Variants in DPY19L2 observed in about 807,000 individuals in gnomAD.
DPY19L2 encodes probable C-mannosyltransferase DPY19L2.
A neutral mutation model predicts 97.9 loss-of-function variants in DPY19L2; 34 were observed. The observed-to-expected ratio is 0.35, with a 90% CI of 0.26 to 0.46. DPY19L2 has a LOEUF of 0.46. Among genes scored for constraint, DPY19L2 ranks in the 20% least tolerant of loss-of-function variants. The pLI, the probability that DPY19L2 is intolerant of heterozygous loss-of-function variation, is 1.00. For missense variants in DPY19L2, 623 were observed against 911.4 expected (o/e 0.68, Z 4.07); for synonymous variants, 230 against 307.9 (o/e 0.75, Z 2.65).
intron 4 of DPY19L2, among the ~76,000 whole-genome samples, chr12:63,652,296 A>G (rs541066207): frequency 2.0e-5 from 3 of 152,254 alleles, no homozygotes; most frequent in Admixed American, 6.5e-5. Context: ...GGTTGTGGAG[A>G]AAAGGGGATG....
At chr12:63,564,934 T>C (rs1877359909) in intron 21 of DPY19L2, among the ~76,000 whole-genome samples, 1 of 152,196 alleles carries the variant, frequency 6.6e-6, no homozygotes, top group Non-Finnish European at 1.5e-5. Flanking sequence ...TCAGGGTTGC[T>C]ACATCCTCTT....
chr12:63,583,178 A>G (rs1032114092), intron 17 of DPY19L2, among the ~76,000 whole-genome samples: 3 of 152,158 alleles, frequency 2.0e-5, no homozygotes, highest in Non-Finnish European at 2.9e-5. Context: ...GATAAGGGAT[A>G]CTCAACATGT....
At chr12:63,616,782 C>T (rs2137750173) in intron 11 of DPY19L2, among the ~76,000 whole-genome samples, 1 of 152,226 alleles carries the variant, frequency 6.6e-6, no homozygotes, top group Middle Eastern at 3.4e-3. Context: ...GCAAAATAAT[C>T]GGTCTTATGA....
At chr12:63,600,089 G>T (rs1884883818) in intron 13 of DPY19L2, among the ~76,000 whole-genome samples, 1 of 151,856 alleles carries the variant, frequency 6.6e-6, no homozygotes, top group African/African-American at 2.4e-5. Flanking sequence ...TTACTAAAAG[G>T]GCAAGTCAGC....
At chr12:63,619,338 G>A (rs745497943) in intron 9 of DPY19L2, among the ~76,000 whole-genome samples, 9 of 151,946 alleles carry the variant, frequency 5.9e-5, no homozygotes, top group South Asian at 2.1e-4. Context: ...CTTAATCTAC[G>A]AAAAACACAA....
intron 19 of DPY19L2, among the ~76,000 whole-genome samples, chr12:63,575,662 G>A (rs1187182506): frequency 6.6e-6 from 1 of 151,860 alleles, no homozygotes; most frequent in African/African-American, 2.4e-5. Flanking sequence ...AGACTACCAT[G>A]AGCAACTGTA....
intron 16 of DPY19L2, among the ~76,000 whole-genome samples, chr12:63,592,145 A>G (rs1348138545): frequency 6.7e-6 from 1 of 148,942 alleles, no homozygotes; most frequent in Non-Finnish European, 1.5e-5. Flanking sequence ...ACAGAGAGAG[A>G]GAGAGAAGGA....
In DPY19L2 at chr12:63,572,733, AAG is replaced by A. The variant is rs199874224; in HGVS notation, c.1901-1878_1901-1877del. Among the ~76,000 whole-genome samples the A allele has an allele frequency of 3.5e-3, 536 of 151,588 alleles. 18 individuals are homozygous for A. In the East Asian group the frequency reaches 0.078, roughly 22 times the overall value. ...AGCTCCAGGCAGCTTAGCACAGAGA[AAG>A]AGAGAGAGAGAGACTCCATATGGGA... is the stretch of plus-strand genomic sequence containing the variant. On this transcript the variant is annotated intron_variant, in intron 19 of 21. Transcript: ENST00000324472.
chr12:63,623,913 A>C, intron 8 of DPY19L2, 127 bp downstream of exon 8: 1 of 631,880 alleles, frequency 1.6e-6, no homozygotes, highest in Non-Finnish European at 2.9e-6. Context: ...CATGTTGGCC[A>C]GGCTGGTCTC....
At chr12:63,660,254 A>T (rs1427512238) in intron 4 of DPY19L2, among the ~76,000 whole-genome samples, 1 of 152,102 alleles carries the variant, frequency 6.6e-6, no homozygotes, top group East Asian at 1.9e-4. Context: ...ATTGCTTGTA[A>T]TCAAAAAATT....
At chr12:63,622,818 T>C (rs892236506) in intron 8 of DPY19L2, among the ~76,000 whole-genome samples, 1 of 151,886 alleles carries the variant, frequency 6.6e-6, no homozygotes, top group Non-Finnish European at 1.5e-5. Flanking sequence ...CCCAGCTACT[T>C]GGGAGGCTGA....
chr12:63,613,870 G>GTTCTCA (rs1887413650), intron 11 of DPY19L2, among the ~76,000 whole-genome samples: 1 of 152,014 alleles, frequency 6.6e-6, no homozygotes, highest in Non-Finnish European at 1.5e-5. Flanking sequence ...CTTTTGGACA[G>GTTCTCA]AAGTAAAACA....
At chr12:63,587,908 G>T in intron 16 of DPY19L2, among the ~76,000 whole-genome samples, 1 of 152,106 alleles carries the variant, frequency 6.6e-6, no homozygotes, top group Non-Finnish European at 1.5e-5. Context: ...TCTTCTAAGT[G>T]ATTTTGGATT....
chr12:63,589,584 G>T (rs544848108), intron 16 of DPY19L2, among the ~76,000 whole-genome samples: 1 of 151,580 alleles, frequency 6.6e-6, no homozygotes. Context: ...CAAAATTAAC[G>T]CAAGAGTAAT....
intron 21 of DPY19L2, among the ~76,000 whole-genome samples, chr12:63,564,283 T>C (rs1396134098): frequency 6.6e-5 from 10 of 152,144 alleles, no homozygotes; most frequent in Admixed American, 6.5e-4. Flanking sequence ...ACTTTGGAGT[T>C]TACTTATTCT....
rs1876216411 is a variant in DPY19L2 at position 63,560,271 on chromosome 12, T to C, written c.*241A>G. ...TCTCTTTAAAATTCTGAAATGAACA[T>C]TTGTTTATGCAGTATGACATGAATG... On this transcript the variant is annotated 3_prime_UTR_variant, in exon 22 of 22. Transcript: ENST00000324472. The C allele has an allele frequency of 5.9e-6, 2 of 337,288 alleles. No individual in the cohort carries two copies. Among genetic ancestry groups the C allele is most frequent in the Non-Finnish European group, 1.1e-5 (2 of 189,916 alleles). The allele number at this position is 337,288 out of a possible 1,614,324, so 20.9% of individuals were successfully genotyped here. A position where few individuals can be genotyped will look rare whatever the true frequency, so the allele number is the denominator to read the frequency against.
intron 16 of DPY19L2, among the ~76,000 whole-genome samples, chr12:63,592,304 G>A (rs1449946168): frequency 6.6e-6 from 1 of 150,900 alleles, no homozygotes; most frequent in Admixed American, 6.6e-5. Context: ...AGTTCATATG[G>A]AACCAAAAAA....
chr12:63,593,995 T>C, intron 16 of DPY19L2, 92 bp downstream of exon 16: 1 of 836,970 alleles, frequency 1.2e-6, no homozygotes, highest in Non-Finnish European at 1.8e-6. Context: ...AATGCTAAAG[T>C]TTAATGCATA....
intron 16 of DPY19L2, chr12:63,591,267 T>C: frequency 3.7e-6 from 1 of 267,024 alleles, no homozygotes; most frequent in Admixed American, 3.8e-5. Flanking sequence ...ATGGAGTTCA[T>C]AGAAATTCTT....
Sources: gnomAD v4.1 joint callset for allele counts (sites outside exome capture counted in the v4.1 genomes callset) on GRCh38, gnomAD v4.1.1 for gene constraint, MANE v1.5 for transcripts, NCBI Gene and HGNC (gene_info 2026-07-23, HGNC 2026-07-21) for gene names.